Variants in CHN2 observed in about 807,000 individuals in gnomAD.
The protein encoded by CHN2 is beta-chimaerin.
CHN2 carries 35 observed loss-of-function variants against 56.3 expected under a neutral mutation model. The ratio of observed to expected loss-of-function variants is 0.62; its 90% CI spans 0.47 to 0.82. The LOEUF (loss-of-function observed/expected upper bound fraction) is 0.82, where lower values mean the gene tolerates loss of function less well. CHN2 is among the 40% of genes least tolerant of loss of function. The pLI, the probability that CHN2 is intolerant of heterozygous loss-of-function variation, is 0.00. For missense variants in CHN2, 491 were observed against 580.5 expected (o/e 0.85, Z 1.58); for synonymous variants, 210 against 212.8 (o/e 0.99, Z 0.12).
chr7:29,419,308 T>C (rs1342597514), intron 6 of CHN2, among the ~76,000 whole-genome samples: 4 of 152,192 alleles, frequency 2.6e-5, no homozygotes, highest in Non-Finnish European at 5.9e-5. Flanking sequence ...ATTTGGACTC[T>C]TACTTTTCAC....
intron 6 of CHN2, among the ~76,000 whole-genome samples, chr7:29,419,135 A>G (rs527944767): frequency 4.0e-5 from 6 of 151,566 alleles, no homozygotes; most frequent in South Asian, 4.2e-4. Flanking sequence ...CTTAGAGTCA[A>G]CTTTCTGGGG....
chr7:29,169,495 T>C (rs1796326409), intron 2 of CHN2, among the ~76,000 whole-genome samples: 2 of 152,244 alleles, frequency 1.3e-5, no homozygotes, highest in South Asian at 4.1e-4. Flanking sequence ...TAAAAATAAA[T>C]ACAACTGTTT....
intron 2 of CHN2, among the ~76,000 whole-genome samples, chr7:29,355,864 A>C (rs1334695569): frequency 1.4e-5 from 2 of 138,648 alleles, no homozygotes; most frequent in Non-Finnish European, 3.0e-5. Flanking sequence ...GCTCACTGCA[A>C]CCTCCACCTC....
At chr7:29,354,600 AT>A in intron 1 of CHN2, 24 bp from the exon 2 acceptor site, 1 of 1,578,860 alleles carries the variant, frequency 6.3e-7, no homozygotes, top group African/African-American at 1.4e-5. Context: ...CTGATGATGG[AT>A]TTCTTTTTTT....
At chr7:29,391,374 G>GAAGGGAGGA (rs1801355612) in intron 3 of CHN2, among the ~76,000 whole-genome samples, 1 of 131,766 alleles carries the variant, frequency 7.6e-6, no homozygotes, top group Non-Finnish European at 1.6e-5. Flanking sequence ...GGAAGGGAGG[G>GAAGGGAGGA]TAGAAGGGAG....
intron 1 of CHN2, among the ~76,000 whole-genome samples, chr7:29,309,190 T>G (rs1794400439): frequency 6.6e-6 from 1 of 152,196 alleles, no homozygotes; most frequent in African/African-American, 2.4e-5. Context: ...TTGTTTTTGT[T>G]TTTGTTTTTA....
intron 6 of CHN2, among the ~76,000 whole-genome samples, chr7:29,456,269 C>T (rs1187146943): frequency 2.0e-5 from 3 of 152,180 alleles, no homozygotes; most frequent in Admixed American, 6.5e-5. Context: ...TTACTACAGC[C>T]TGTTTCACAG....
intron 1 of CHN2, among the ~76,000 whole-genome samples, chr7:29,261,069 C>T (rs1435094430): frequency 1.3e-5 from 2 of 152,176 alleles, no homozygotes; most frequent in African/African-American, 4.8e-5. Flanking sequence ...TACCCCCCCA[C>T]CTACTTTTCA....
intron 1 of CHN2, chr7:29,200,113 G>C (rs147397157): frequency 2.0e-5 from 3 of 152,164 alleles, no homozygotes; most frequent in Admixed American, 2.0e-4. Context: ...TCTGCCAGAA[G>C]ATCAAGATTC....
intron 6 of CHN2, among the ~76,000 whole-genome samples, chr7:29,456,680 C>T (rs1324782324): frequency 1.6e-5 from 2 of 128,342 alleles, no homozygotes; most frequent in South Asian, 2.8e-4. Flanking sequence ...TGAGGTGGGG[C>T]CCAGAAGTCT....
At chr7:29,487,473 T>A (rs1490475158) in intron 7 of CHN2, among the ~76,000 whole-genome samples, 2 of 152,148 alleles carry the variant, frequency 1.3e-5, no homozygotes, top group East Asian at 3.8e-4. Context: ...CACATTATAA[T>A]GATTACAAAG....
At chr7:29,440,345 T>C (rs1783539966) in intron 6 of CHN2, among the ~76,000 whole-genome samples, 1 of 152,028 alleles carries the variant, frequency 6.6e-6, no homozygotes, top group Admixed American at 6.6e-5. Flanking sequence ...AAATAATATA[T>C]ATGTTAGAGG....
At chr7:29,383,033 A>G (rs941270565) in intron 3 of CHN2, among the ~76,000 whole-genome samples, 5 of 152,152 alleles carry the variant, frequency 3.3e-5, no homozygotes, top group Non-Finnish European at 2.9e-5. Flanking sequence ...AAGATCCTAG[A>G]TGCTATTCAT....
chr7:29,427,138 G>A (rs1804944182), intron 6 of CHN2, among the ~76,000 whole-genome samples: 1 of 152,062 alleles, frequency 6.6e-6, no homozygotes, highest in Admixed American at 6.5e-5. Context: ...GCCAACATGG[G>A]GAAGCTGTTT....
At chr7:29,279,616 G>C (rs1370006337) in intron 1 of CHN2, among the ~76,000 whole-genome samples, 1 of 152,220 alleles carries the variant, frequency 6.6e-6, no homozygotes, top group Non-Finnish European at 1.5e-5. Context: ...AAAGGCTGAG[G>C]TGTCAGGGAA....
chr7:29,186,230 T>C (rs149626582), intron 2 of CHN2, among the ~76,000 whole-genome samples: 1 of 151,564 alleles, frequency 6.6e-6, no homozygotes, highest in African/African-American at 2.4e-5. Context: ...GAGCCTGGCC[T>C]GCCCCAAAGT....
chr7:29,242,569 G>A (rs2128811164), intron 1 of CHN2, among the ~76,000 whole-genome samples: 1 of 151,892 alleles, frequency 6.6e-6, no homozygotes, highest in South Asian at 2.1e-4. Flanking sequence ...CTGGGTTCAG[G>A]TGGATAGGCT....
chr7:29,264,179 G>A lies in CHN2; in HGVS notation c.49+69189G>A, dbSNP rs181415862. Among the ~76,000 whole-genome samples, 681 of 136,346 alleles carry A rather than the reference G, an allele frequency of 5.0e-3. 3 individuals are homozygous for A. Among genetic ancestry groups the A allele is most frequent in the African/African-American group, 0.018 (650 of 36,980 alleles). The allele number at this position is 136,346 out of a possible 152,430, so 89.4% of individuals were successfully genotyped here. A position where few individuals can be genotyped will look rare whatever the true frequency, so the allele number is the denominator to read the frequency against. On this transcript the variant is annotated intron_variant, in intron 1 of 12. Coordinates refer to ENST00000222792, the MANE Select transcript of CHN2 (RefSeq NM_004067.4). Reference sequence around the variant, plus strand: ...GGTGGGGGGCCCCCTCTGCCTGGCCGCCCTGTCTGGGAAGTGAGGAGCCCC... The same window carrying A: ...GGTGGGGGGCCCCCTCTGCCTGGCCACCCTGTCTGGGAAGTGAGGAGCCCC...
intron 2 of CHN2, among the ~76,000 whole-genome samples, chr7:29,166,197 T>G (rs897511233): frequency 6.6e-5 from 10 of 152,052 alleles, no homozygotes; most frequent in African/African-American, 2.4e-4. Flanking sequence ...CATCCAGTTT[T>G]TTTTTGTTTT....
Sources: gnomAD v4.1 joint callset for allele counts (sites outside exome capture counted in the v4.1 genomes callset) on GRCh38, gnomAD v4.1.1 for gene constraint, MANE v1.5 for transcripts, NCBI Gene and HGNC (gene_info 2026-07-23, HGNC 2026-07-21) for gene names.